The following RUNDC3B variants were observed in gnomAD, a reference collection of about 807,000 sequenced individuals.
The protein encoded by RUNDC3B is RUN domain containing 3B, also known as RUN domain-containing protein 3B.
RUNDC3B carries 33 observed loss-of-function variants against 58.4 expected under a neutral mutation model. The ratio of observed to expected loss-of-function variants is 0.56; its 90% confidence interval spans 0.43 to 0.75. RUNDC3B has a LOEUF of 0.75. Ranked by LOEUF, RUNDC3B falls within the 30% of genes least tolerant of loss-of-function variation. RUNDC3B has a pLI of 0.00. For synonymous variants in RUNDC3B, 193 were observed against 195.2 expected, an observed-to-expected ratio of 0.99 and a Z score of 0.10; for missense variants, 501 against 535.7, an observed-to-expected ratio of 0.94 and a Z score of 0.64.
At chr7:87,684,608 C>A (rs1827257965) in intron 2 of RUNDC3B, among the ~76,000 whole-genome samples, 1 of 151,824 alleles carries the variant, frequency 6.6e-6, no homozygotes, top group African/African-American at 2.4e-5. Context: ...ATTAGTTGGG[C>A]ATGGTAGCAC....
At chr7:87,685,677 G>A (rs998867722) in intron 2 of RUNDC3B, among the ~76,000 whole-genome samples, 1 of 152,164 alleles carries the variant, frequency 6.6e-6, no homozygotes, top group African/African-American at 2.4e-5. Flanking sequence ...ATTAAAGGTT[G>A]CAGGGTGGGG....
intron 2 of RUNDC3B, among the ~76,000 whole-genome samples, chr7:87,696,227 T>C (rs1210802546): frequency 2.6e-5 from 4 of 152,206 alleles, no homozygotes; most frequent in Non-Finnish European, 5.9e-5. Context: ...TTCTTCAAGA[T>C]ATAGAGTAGT....
At chr7:87,813,165 C>T (rs1007813361) in intron 9 of RUNDC3B, among the ~76,000 whole-genome samples, 12 of 152,196 alleles carry the variant, frequency 7.9e-5, no homozygotes, top group African/African-American at 2.9e-4. Context: ...TTTCCATATT[C>T]ATTGGCATTT....
At chr7:87,808,147 T>G (rs1836535431) in intron 9 of RUNDC3B, among the ~76,000 whole-genome samples, 1 of 152,082 alleles carries the variant, frequency 6.6e-6, no homozygotes, top group Non-Finnish European at 1.5e-5. Flanking sequence ...TAATCATTTT[T>G]TCACTATTTT....
intron 2 of RUNDC3B, among the ~76,000 whole-genome samples, chr7:87,678,524 A>G (rs1340218393): frequency 2.0e-5 from 3 of 152,252 alleles, no homozygotes; most frequent in Non-Finnish European, 4.4e-5. Context: ...CATTAAAGTT[A>G]TCCAAAAAGA....
intron 1 of RUNDC3B, among the ~76,000 whole-genome samples, chr7:87,641,440 G>C (rs1822443040): frequency 6.6e-6 from 1 of 152,124 alleles, no homozygotes; most frequent in Admixed American, 6.5e-5. Flanking sequence ...GGTTAGTCTT[G>C]AACAACCTAC....
At chr7:87,732,420 C>T (rs780093276) in intron 4 of RUNDC3B, among the ~76,000 whole-genome samples, 5 of 152,006 alleles carry the variant, frequency 3.3e-5, no homozygotes, top group Admixed American at 1.3e-4. Flanking sequence ...AGGGGAGAGT[C>T]GGAAAAAGCG....
chr7:87,792,126 C>T (rs1835552391), intron 8 of RUNDC3B, among the ~76,000 whole-genome samples: 1 of 151,910 alleles, frequency 6.6e-6, no homozygotes, highest in Non-Finnish European at 1.5e-5. Context: ...GAAAGAAAGT[C>T]CTTAATGATA....
intron 6 of RUNDC3B, among the ~76,000 whole-genome samples, chr7:87,744,136 A>C (rs1832511881): frequency 6.6e-6 from 1 of 151,894 alleles, no homozygotes; most frequent in African/African-American, 2.4e-5. Flanking sequence ...ATTTGGGTTT[A>C]TTTCTGGGTT....
At chr7:87,762,470 G>A (rs1160660128) in intron 6 of RUNDC3B, among the ~76,000 whole-genome samples, 2 of 150,952 alleles carry the variant, frequency 1.3e-5, no homozygotes, top group African/African-American at 2.4e-5. Context: ...TTCCTTTCTT[G>A]TATTGTCTGC....
At chr7:87,739,672 A>G (rs1832198482) in intron 4 of RUNDC3B, 119 bp from the exon 5 acceptor site, 1 of 427,086 alleles carries the variant, frequency 2.3e-6, no homozygotes, top group Non-Finnish European at 4.1e-6. Flanking sequence ...TTTTTTTTAA[A>G]AATACAAATT....
At chr7:87,643,099 A>G (rs1822614021) in intron 1 of RUNDC3B, among the ~76,000 whole-genome samples, 2 of 152,052 alleles carry the variant, frequency 1.3e-5, no homozygotes. Flanking sequence ...ACATTTCCTT[A>G]TAGAGATGGG....
intron 4 of RUNDC3B, among the ~76,000 whole-genome samples, chr7:87,736,895 T>A (rs1177223597): frequency 6.4e-4 from 55 of 85,792 alleles, no homozygotes; most frequent in South Asian, 1.2e-3. Flanking sequence ...ATATATTTTT[T>A]TTTTTTTTTT....
chr7:87,779,559 T>C (rs987430751), intron 8 of RUNDC3B, among the ~76,000 whole-genome samples: 2 of 152,192 alleles, frequency 1.3e-5, no homozygotes, highest in Non-Finnish European at 2.9e-5. Context: ...TTCTCTTCTG[T>C]ATAGTTACTG....
chr7:87,796,764 A>G (rs1835843648), intron 8 of RUNDC3B, among the ~76,000 whole-genome samples: 1 of 152,220 alleles, frequency 6.6e-6, no homozygotes, highest in Non-Finnish European at 1.5e-5. Flanking sequence ...AGCTGAAGAC[A>G]TTCATTACTA....
chr7:87,734,376 C>G (rs138435188), intron 4 of RUNDC3B, among the ~76,000 whole-genome samples: 4 of 152,182 alleles, frequency 2.6e-5, no homozygotes, highest in South Asian at 4.2e-4. Context: ...CATGGATGAA[C>G]CTTGAAAACC....
At chr7:87,768,139 C>A (rs1409554675) in intron 6 of RUNDC3B, among the ~76,000 whole-genome samples, 2 of 152,156 alleles carry the variant, frequency 1.3e-5, no homozygotes, top group Non-Finnish European at 2.9e-5. Flanking sequence ...CCTGTGTCAA[C>A]CTCTAGTAGG....
intron 2 of RUNDC3B, among the ~76,000 whole-genome samples, chr7:87,678,870 A>G (rs1826636132): frequency 6.6e-6 from 1 of 152,176 alleles, no homozygotes; most frequent in South Asian, 2.1e-4. Flanking sequence ...TAATTTGCCA[A>G]GAAGACAGAA....
At chr7:87,813,980 C>CA (rs397890276) in intron 9 of RUNDC3B, among the ~76,000 whole-genome samples, 3,964 of 89,248 alleles carry the variant, frequency 0.044, 241 homozygotes, top group East Asian at 0.32. Flanking sequence ...GACTCCGTCT[C>CA]AAAAAAAAAA....
Sources: gnomAD v4.1 joint callset for allele counts (sites outside exome capture counted in the v4.1 genomes callset) on GRCh38, gnomAD v4.1.1 for gene constraint, MANE v1.5 for transcripts, NCBI Gene and HGNC (gene_info 2026-07-23, HGNC 2026-07-21) for gene names.